Variants in LRRK2 observed in about 807,000 individuals in gnomAD.
LRRK2 encodes the protein leucine-rich repeat serine/threonine-protein kinase 2.
LRRK2 carries 203 observed loss-of-function variants against 302.6 expected under a neutral mutation model. The ratio of observed to expected loss-of-function variants is 0.67; its 90% CI spans 0.60 to 0.75. LRRK2 has a LOEUF of 0.75. LRRK2 is among the 30% of genes least tolerant of loss of function. The pLI, the probability that LRRK2 is intolerant of heterozygous loss-of-function variation, is 0.00. For missense variants in LRRK2, 2,830 were observed against 2,951.0 expected (o/e 0.96, Z 0.95); for synonymous variants, 1,066 against 1,031.9 (o/e 1.03, Z -0.63).
At chr12:40,306,723 G>A (rs1017318893) in intron 28 of LRRK2, among the ~76,000 whole-genome samples, 1 of 152,106 alleles carries the variant, frequency 6.6e-6, no homozygotes, top group African/African-American at 2.4e-5. Context: ...CCAACACAGT[G>A]CCTGGCATAC....
chr12:40,350,131 A>G (rs1191234690), intron 43 of LRRK2, among the ~76,000 whole-genome samples: 1 of 152,108 alleles, frequency 6.6e-6, no homozygotes, highest in East Asian at 1.9e-4. Context: ...GGACAGGTTG[A>G]TTTCTCCTTC....
At chr12:40,302,990 C>T in intron 26 of LRRK2, 108 bp downstream of exon 26, 1 of 765,422 alleles carries the variant, frequency 1.3e-6, no homozygotes, top group Non-Finnish European at 2.2e-6. Flanking sequence ...TAAACCTACT[C>T]AACTTGATGT....
chr12:40,357,097 T>C (rs1319985866), intron 46 of LRRK2, among the ~76,000 whole-genome samples: 1 of 152,148 alleles, frequency 6.6e-6, no homozygotes, highest in Non-Finnish European at 1.5e-5. Flanking sequence ...CACACACCCA[T>C]ATCCTCCCAA....
intron 14 of LRRK2, among the ~76,000 whole-genome samples, 191 bp downstream of exon 14, chr12:40,264,092 C>CT (rs2136542935): frequency 6.6e-6 from 1 of 152,180 alleles, no homozygotes; most frequent in African/African-American, 2.4e-5. Context: ...CTAAGTCCAG[C>CT]TAAGTGTATT....
intron 11 of LRRK2, among the ~76,000 whole-genome samples, chr12:40,253,642 G>A (rs1395420409): frequency 6.6e-6 from 1 of 152,200 alleles, no homozygotes; most frequent in Non-Finnish European, 1.5e-5. Context: ...CCTCCCAAGT[G>A]CTGGGATTAC....
chr12:40,240,384 A>G (rs1165252834), intron 5 of LRRK2, 99 bp from the exon 6 acceptor site: 1 of 1,040,942 alleles, frequency 9.6e-7, no homozygotes, highest in Non-Finnish European at 1.5e-6. Flanking sequence ...ATTACACTTG[A>G]TGTATCTCAC....
intron 24 of LRRK2, among the ~76,000 whole-genome samples, chr12:40,298,855 CCTATATA>C (rs1944503853): frequency 2.6e-5 from 2 of 77,680 alleles, no homozygotes; most frequent in East Asian, 3.2e-4. Flanking sequence ...ATATATAATA[CCTATATA>C]TTATATATAT....
At chr12:40,259,457 G>A in intron 12 of LRRK2, 23 bp from the exon 13 acceptor site, 1 of 1,612,544 alleles carries the variant, frequency 6.2e-7, no homozygotes, top group Non-Finnish European at 8.5e-7. Context: ...CTTTCAATAA[G>A]CATGCCAATT....
At position 40,277,944 on chromosome 12, in the gene LRRK2, G is replaced by T; in HGVS notation, c.1998G>T (p.Leu666=). 6.2e-7 allele frequency: 1 copy of T among 1,612,716 alleles called. No individual in the cohort carries two copies. Residue 666 remains leucine, a synonymous_variant, in exon 17 of 51, where the codon CTG becomes CTT. Transcript: ENST00000298910. ...TGTCAGCATCTTTTTCTAAGCTGCTGGTGCATCATTCATTTGACTTAGTAA... is the reference window on the plus strand; with the variant it reads ...TGTCAGCATCTTTTTCTAAGCTGCTTGTGCATCATTCATTTGACTTAGTAA... ...LKLSASFSKL[L]VHHSFDLVIF...
intron 8 of LRRK2, among the ~76,000 whole-genome samples, chr12:40,250,239 CT>C (rs1295230744): frequency 6.6e-6 from 1 of 152,184 alleles, no homozygotes; most frequent in Non-Finnish European, 1.5e-5. Flanking sequence ...CGCCTGTAAT[CT>C]CAGAACTTTG....
At chr12:40,225,683 T>C in intron 2 of LRRK2, 43 bp downstream of exon 2, 1 of 1,531,440 alleles carries the variant, frequency 6.5e-7, no homozygotes, top group Non-Finnish European at 9.0e-7. Context: ...CCCTTCTGTT[T>C]GGAAGGAGAC....
chr12:40,326,306 T>C (rs1945546814), intron 38 of LRRK2, among the ~76,000 whole-genome samples: 1 of 151,428 alleles, frequency 6.6e-6, no homozygotes, highest in Non-Finnish European at 1.5e-5. Context: ...CTACTAAAAA[T>C]ACAAAAAATT....
intron 7 of LRRK2, among the ~76,000 whole-genome samples, chr12:40,247,431 TAC>T: frequency 2.9e-5 from 1 of 34,042 alleles, no homozygotes; most frequent in Non-Finnish European, 1.1e-4. Flanking sequence ...TATATGAATC[TAC>T]TTATATACTG....
chr12:40,260,958 T>C (rs1488799822), intron 13 of LRRK2, among the ~76,000 whole-genome samples: 3 of 152,168 alleles, frequency 2.0e-5, no homozygotes, highest in African/African-American at 7.2e-5. Context: ...TCTAGTTATA[T>C]AGGTATTTTG....
intron 34 of LRRK2, 89 bp from the exon 35 acceptor site, chr12:40,320,945 C>A: frequency 7.1e-7 from 1 of 1,409,702 alleles, no homozygotes; most frequent in East Asian, 2.3e-5. Flanking sequence ...GAATGATTAC[C>A]TTCATTGACT....
intron 43 of LRRK2, among the ~76,000 whole-genome samples, chr12:40,350,370 A>G (rs1285824693): frequency 1.3e-5 from 2 of 152,172 alleles, no homozygotes; most frequent in African/African-American, 2.4e-5. Flanking sequence ...TCTGTCTCTC[A>G]CTGTGATTTC....
At chr12:40,243,292 T>C (rs1007620265) in intron 6 of LRRK2, among the ~76,000 whole-genome samples, 1 of 152,166 alleles carries the variant, frequency 6.6e-6, no homozygotes, top group African/African-American at 2.4e-5. Flanking sequence ...TTTTCCTTTT[T>C]TTGATCTTAA....
intron 20 of LRRK2, among the ~76,000 whole-genome samples, chr12:40,288,463 G>A (rs1944013605): frequency 1.3e-5 from 2 of 151,658 alleles, no homozygotes; most frequent in African/African-American, 4.8e-5. Flanking sequence ...TCCTGACAAT[G>A]TAGATTAATG....
intron 38 of LRRK2, among the ~76,000 whole-genome samples, chr12:40,326,465 C>CA (rs1360220415): frequency 0.05 from 3,003 of 60,438 alleles, 63 homozygotes; most frequent in African/African-American, 0.084. Context: ...GACTCTGTCT[C>CA]AAAAAAAAAA....
Sources: allele counts gnomAD v4.1 joint callset (sites outside exome capture counted in the v4.1 genomes callset), GRCh38; gene constraint gnomAD v4.1.1; transcripts MANE v1.5; gene names NCBI Gene and HGNC (gene_info 2026-07-23, HGNC 2026-07-21).